Variants in AGAP1 observed in about 807,000 individuals in gnomAD.
AGAP1 encodes arf-GAP with GTPase, ANK repeat and PH domain-containing protein 1.
Under a neutral mutation model 105.3 loss-of-function variants are expected in AGAP1, and 29 were observed. That is an observed-to-expected ratio of 0.28 (90% confidence interval 0.21 to 0.38). AGAP1 has a LOEUF of 0.38. AGAP1 is among the 10% of genes least tolerant of loss of function. The pLI, the probability that AGAP1 is intolerant of heterozygous loss-of-function variation, is 1.00. For synonymous variants in AGAP1, 509 were observed against 485.9 expected, an observed-to-expected ratio of 1.05 and a Z score of -0.63; for missense variants, 998 against 1,165.1, an observed-to-expected ratio of 0.86 and a Z score of 2.09.
rs969740665 is a variant in AGAP1, at chr2:235,793,262, A to G, written c.674-4497A>G. Among the ~76,000 whole-genome samples, 1 of 152,148 alleles carries G rather than the reference A, an allele frequency of 6.6e-6. No homozygotes were observed. The highest frequency in any genetic ancestry group is 1.5e-5 in the Non-Finnish European group (1 of 68,010). On this transcript the variant is annotated intron_variant, in intron 6 of 17. Coordinates refer to ENST00000304032, the MANE Select transcript of AGAP1 (RefSeq NM_001037131.3). This position sits in a 1 kb window ranked among gnomAD's most constrained non-coding sequence, Gnocchi z 5.3. Reference sequence around the variant, plus strand: ...GGCTTTCCAGAAGGCCTGGCTGGGAATGGGGCGTGGCACACGGTGTAATCC... The same window carrying G: ...GGCTTTCCAGAAGGCCTGGCTGGGAGTGGGGCGTGGCACACGGTGTAATCC...
intron 3 of AGAP1, chr2:235,718,310 G>T (rs551058060): frequency 4.2e-6 from 4 of 947,106 alleles, no homozygotes; most frequent in Non-Finnish European, 5.0e-6. Flanking sequence ...GTGTAACTTT[G>T]TTAAATCCAA....
chr2:235,880,752 A>C (rs1257382938), intron 9 of AGAP1, among the ~76,000 whole-genome samples: 1 of 151,986 alleles, frequency 6.6e-6, no homozygotes, highest in East Asian at 1.9e-4. Context: ...AAAAAAAAAA[A>C]ACAAAAAAAG....
At chr2:235,823,524 T>C (rs1958913718) in intron 9 of AGAP1, among the ~76,000 whole-genome samples, 1 of 152,194 alleles carries the variant, frequency 6.6e-6, no homozygotes, top group Non-Finnish European at 1.5e-5. Flanking sequence ...GACCCTCATC[T>C]TATACCTAGG....
chr2:235,715,174 C>T (rs1226161137), intron 2 of AGAP1, among the ~76,000 whole-genome samples: 1 of 152,234 alleles, frequency 6.6e-6, no homozygotes, highest in Non-Finnish European at 1.5e-5. Context: ...CTCTCCTCCT[C>T]TCCCCTTTAT....
chr2:235,945,153 T>C (rs1413988473), intron 12 of AGAP1, among the ~76,000 whole-genome samples: 1 of 152,222 alleles, frequency 6.6e-6, no homozygotes, highest in Non-Finnish European at 1.5e-5. Flanking sequence ...CAGGCTGGAG[T>C]GCAGTGGCGC....
intron 1 of AGAP1, among the ~76,000 whole-genome samples, chr2:235,537,120 G>GTT (rs774124895): frequency 7.2e-5 from 11 of 152,258 alleles, no homozygotes; most frequent in Non-Finnish European, 1.6e-4. Context: ...CAGAGCTCAT[G>GTT]TTTTGGTGGA....
intron 9 of AGAP1, among the ~76,000 whole-genome samples, chr2:235,823,224 A>C (rs146682677): frequency 2.0e-4 from 31 of 152,240 alleles, no homozygotes; most frequent in African/African-American, 6.5e-4. Context: ...ATTATGTATT[A>C]TGTTAACAAT....
At chr2:236,112,532 G>A (rs1052338762) in intron 16 of AGAP1, among the ~76,000 whole-genome samples, 1 of 152,120 alleles carries the variant, frequency 6.6e-6, no homozygotes, top group Admixed American at 6.5e-5. Context: ...CTCCTGATCT[G>A]TTCTTCACTC....
At chr2:236,023,441 G>A (rs146267235) in intron 13 of AGAP1, among the ~76,000 whole-genome samples, 1,526 of 152,278 alleles carry the variant, frequency 0.01, 20 homozygotes, top group African/African-American at 0.035. Flanking sequence ...ACAGAAACTG[G>A]GAGAACCCAT....
At position 235,725,718 on chromosome 2, in the gene AGAP1, C is replaced by T. The variant is rs140916654; in HGVS notation, c.310+8074C>T. On this transcript the variant is annotated intron_variant, in intron 3 of 17. Coordinates refer to ENST00000304032, the MANE Select transcript of AGAP1 (RefSeq NM_001037131.3). This position sits in a 1 kb window ranked among gnomAD's most constrained non-coding sequence, Gnocchi z 5.7. ...TAGATAAAGCAGAAGTCAGTTCAGC[C>T]ATCTTCACTGATGATTTTCAGAATT... 2.2e-3 allele frequency among the ~76,000 whole-genome samples: 330 copies of T among 152,278 alleles called. No homozygotes were observed. The highest frequency in any genetic ancestry group is 7.6e-3 in the African/African-American group (315 of 41,554).
rs539952649 is a variant in AGAP1, at chr2:235,825,185, G to T, written c.1050+17854G>T. Among the ~76,000 whole-genome samples, 27 of 152,326 alleles carry T rather than the reference G, an allele frequency of 1.8e-4. No homozygotes were observed. The South Asian group carries it at 3.5e-3, about 20-fold the overall frequency. On this transcript the variant is annotated intron_variant, in intron 9 of 17. Transcript: ENST00000304032. Reference sequence around the variant, plus strand: ...AGCCTCCCAGGCTTCCTGGATGCAGGCTCCCGTCTCCAGACCCCTTCCTTC... The same window carrying T: ...AGCCTCCCAGGCTTCCTGGATGCAGTCTCCCGTCTCCAGACCCCTTCCTTC...
rs920755407 is a variant in AGAP1, at chr2:235,747,489, G to A, written c.538+2650G>A. 2.0e-5 allele frequency among the ~76,000 whole-genome samples: 3 copies of A among 151,908 alleles called. No homozygotes were observed. Among genetic ancestry groups the A allele is most frequent in the African/African-American group, 7.3e-5 (3 of 41,270 alleles). On this transcript the variant is annotated intron_variant, in intron 5 of 17. Transcript: ENST00000304032. This position sits in a 1 kb window ranked among gnomAD's most constrained non-coding sequence, Gnocchi z 5.0. Reference sequence around the variant, plus strand: ...CCCCACGCCCTCCCGGGGTGAGCAGGTAAGCGGGCCCCATGCCCTCCCTGC... The same window carrying A: ...CCCCACGCCCTCCCGGGGTGAGCAGATAAGCGGGCCCCATGCCCTCCCTGC...
At chr2:235,917,032 C>T (rs189590098) in intron 11 of AGAP1, among the ~76,000 whole-genome samples, 1 of 152,134 alleles carries the variant, frequency 6.6e-6, no homozygotes, top group Admixed American at 6.5e-5. Flanking sequence ...CATTTTTGTT[C>T]TAGGATGACA....
In AGAP1 at chr2:236,053,329, T is replaced by C. The variant is rs1464687800; in HGVS notation, c.2114+4048T>C. On this transcript the variant is annotated intron_variant, in intron 16 of 17. Coordinates refer to ENST00000304032, the MANE Select transcript of AGAP1 (RefSeq NM_001037131.3). The surrounding 1 kb of genome is among the most constrained non-coding windows in gnomAD (Gnocchi z 4.6). ...TCATGGAACACATGTCAGGTGCTCT[T>C]GCTACTTCGGGGCCTTGGAATTCCT... is the stretch of plus-strand genomic sequence containing the variant. Among the ~76,000 whole-genome samples, 1 of 152,240 alleles carries C rather than the reference T, an allele frequency of 6.6e-6. No homozygotes were observed. Among genetic ancestry groups the C allele is most frequent in the Non-Finnish European group, 1.5e-5 (1 of 68,036 alleles).
At position 235,930,933 on chromosome 2, in the gene AGAP1, G is replaced by T; in HGVS notation, c.1483+10G>T. The T allele has an allele frequency of 6.2e-7, 1 of 1,612,458 alleles. No individual in the cohort carries two copies. Among genetic ancestry groups the T allele is most frequent in the Non-Finnish European group, 8.5e-7 (1 of 1,179,196 alleles). On this transcript the variant is annotated intron_variant, in intron 12 of 17. Transcript: ENST00000304032. The surrounding 1 kb of genome is among the most constrained non-coding windows in gnomAD (Gnocchi z 7.9). ...TCGGCCATCAGCAGTGGTAAGAGGG[G>T]GCTCAGCCCCACGGACCCGCAGCCA...
intron 9 of AGAP1, among the ~76,000 whole-genome samples, chr2:235,811,763 C>T (rs976552874): frequency 6.6e-6 from 1 of 152,228 alleles, no homozygotes; most frequent in Non-Finnish European, 1.5e-5. Flanking sequence ...GCCAGGGTGT[C>T]TCACGCTCTT....
chr2:235,765,817 T>C (rs1004376360), intron 6 of AGAP1, among the ~76,000 whole-genome samples: 6 of 152,188 alleles, frequency 3.9e-5, no homozygotes. Context: ...AACATAGTCA[T>C]CTGGGTACTG....
At chr2:235,656,807 A>G (rs939704029) in intron 1 of AGAP1, among the ~76,000 whole-genome samples, 9 of 152,276 alleles carry the variant, frequency 5.9e-5, no homozygotes, top group Non-Finnish European at 7.4e-5. Flanking sequence ...TTTGAGTGCT[A>G]TTTCTTTTGT....
intron 1 of AGAP1, among the ~76,000 whole-genome samples, chr2:235,516,070 G>GCTGCTGCTGCTGCTGCTCCTC: frequency 7.0e-6 from 1 of 141,854 alleles, no homozygotes; most frequent in Non-Finnish European, 1.6e-5. Flanking sequence ...TGCTGCTGCT[G>GCTGCTGCTGCTGCTGCTCCTC]CTGCTGCTGC....
Sources: allele counts gnomAD v4.1 joint callset (sites outside exome capture counted in the v4.1 genomes callset), GRCh38; gene constraint gnomAD v4.1.1; non-coding constraint Gnocchi (gnomAD v3.1); transcripts MANE v1.5; gene names NCBI Gene and HGNC (gene_info 2026-07-23, HGNC 2026-07-21).